The following ABCC1 variants were observed in gnomAD, a reference collection of about 807,000 sequenced individuals.
ABCC1 encodes ATP binding cassette subfamily C member 1 (ABCC1 blood group).
Under a neutral mutation model 172.9 loss-of-function variants are expected in ABCC1, and 83 were observed. The observed-to-expected ratio is 0.48, with a 90% confidence interval of 0.40 to 0.58. The LOEUF is 0.58. Among genes scored for constraint, ABCC1 ranks in the 20% least tolerant of loss-of-function variants. ABCC1 has a pLI of 0.00. For synonymous variants in ABCC1, 937 were observed against 825.2 expected, an observed-to-expected ratio of 1.14 and a Z score of -2.32; for missense variants, 1,817 against 2,002.7, an observed-to-expected ratio of 0.91 and a Z score of 1.77.
chr16:15,982,203 T>C (rs906514633), intron 1 of ABCC1, among the ~76,000 whole-genome samples: 1 of 152,182 alleles, frequency 6.6e-6, no homozygotes, highest in Non-Finnish European at 1.5e-5. Context: ...CCAAAGTTGC[T>C]TCCACATTTT....
chr16:15,959,323 T>A (rs960892683), intron 1 of ABCC1, among the ~76,000 whole-genome samples: 1 of 152,136 alleles, frequency 6.6e-6, no homozygotes. Context: ...TTTCTTTTTC[T>A]TTTTCTTTCT....
chr16:16,108,660 A>G (rs2052251975), intron 21 of ABCC1, among the ~76,000 whole-genome samples: 2 of 150,480 alleles, frequency 1.3e-5, no homozygotes, highest in African/African-American at 2.5e-5. Context: ...CAGTGGCACA[A>G]TCATGGCTAA....
intron 21 of ABCC1, among the ~76,000 whole-genome samples, chr16:16,107,777 G>A (rs2052198514): frequency 6.6e-6 from 1 of 151,756 alleles, no homozygotes; most frequent in African/African-American, 2.4e-5. Flanking sequence ...CTCCATTTAT[G>A]GTGGTGATCC....
At chr16:16,048,446 C>CTGTTAACCAA (rs1014378611) in intron 10 of ABCC1, 143 bp downstream of exon 10, 13 of 1,008,410 alleles carry the variant, frequency 1.3e-5, no homozygotes, top group Non-Finnish European at 1.9e-5. Context: ...ATTTTCCAGC[C>CTGTTAACCAA]TGTTAACCAA....
chr16:16,068,993 T>TAA (rs35133979), intron 13 of ABCC1, among the ~76,000 whole-genome samples: 13 of 124,160 alleles, frequency 1.0e-4, no homozygotes, highest in South Asian at 2.5e-4. Flanking sequence ...GTCTCAAAAT[T>TAA]AAAAAAAAAA....
intron 4 of ABCC1, 87 bp from the exon 5 acceptor site, chr16:16,016,409 C>T: frequency 6.5e-7 from 1 of 1,546,806 alleles, no homozygotes; most frequent in African/African-American, 1.4e-5. Flanking sequence ...CTGTCTCGGC[C>T]TCCAAAAGTG....
intron 10 of ABCC1, among the ~76,000 whole-genome samples, chr16:16,052,265 T>C (rs184085890): frequency 1.8e-4 from 27 of 152,088 alleles, no homozygotes; most frequent in Admixed American, 4.6e-4. Context: ...GGAGGCTGAA[T>C]TGGGAGGATC....
rs369800771 is a variant in ABCC1 at position 15,986,824 on chromosome 16, T to C, written c.49-20992T>C. ...GTTCAGCTTAGTTCCAGGCACATAGTAGGGGCTCAGTACATCTTTGTTGAA... is the reference window on the plus strand; with the variant it reads ...GTTCAGCTTAGTTCCAGGCACATAGCAGGGGCTCAGTACATCTTTGTTGAA... On this transcript the variant is annotated intron_variant, in intron 1 of 30. Transcript: ENST00000399410. 2.0e-3 allele frequency among the ~76,000 whole-genome samples: 304 copies of C among 152,280 alleles called. 8 individuals are homozygous for C. The South Asian group carries it at 0.058, about 29-fold the overall frequency.
chr16:16,048,914 C>T (rs548578856), intron 10 of ABCC1, among the ~76,000 whole-genome samples: 139 of 151,680 alleles, frequency 9.2e-4, no homozygotes, highest in African/African-American at 3.1e-3. Context: ...ACCTGGAAGG[C>T]GGAGGTTGCG....
At chr16:16,075,803 G>A (rs2050537700) in intron 14 of ABCC1, among the ~76,000 whole-genome samples, 2 of 152,200 alleles carry the variant, frequency 1.3e-5, no homozygotes, top group South Asian at 4.1e-4. Flanking sequence ...AGAGTGGTGT[G>A]GCTGGGGGAG....
At position 16,114,995 on chromosome 16, in the gene ABCC1, T is replaced by C; in HGVS notation, c.3309T>C (p.Gly1103=). Residue 1103 remains glycine (G), a synonymous_variant, in exon 23 of 31, where the codon GGT becomes GGC. Coordinates refer to ENST00000399410, the MANE Select transcript of ABCC1 (RefSeq NM_004996.4). Reference sequence around the variant, plus strand: ...TGGGCTCCCTGTTCAACGTCATTGGTGCCTGCATCGTTATCCTGCTGGCCA... The same window carrying C: ...TGGGCTCCCTGTTCAACGTCATTGGCGCCTGCATCGTTATCCTGCTGGCCA... ...MFMGSLFNVI[G]ACIVILLATP... 1 of 1,614,226 alleles carries C rather than the reference T, an allele frequency of 6.2e-7. No individual in the cohort carries two copies. The highest frequency in any genetic ancestry group is 8.5e-7 in the Non-Finnish European group (1 of 1,180,038).
chr16:16,048,099 C>T (rs2049290114), intron 9 of ABCC1, 43 bp from the exon 10 acceptor site: 1 of 1,607,342 alleles, frequency 6.2e-7, no homozygotes, highest in Non-Finnish European at 8.5e-7. Context: ...CAGGCCTCTT[C>T]AGCTGCCACA....
intron 20 of ABCC1, among the ~76,000 whole-genome samples, chr16:16,104,350 G>A (rs1009194339): frequency 2.0e-5 from 3 of 152,108 alleles, no homozygotes; most frequent in South Asian, 2.1e-4. Flanking sequence ...TGATTGGTCC[G>A]TTTTGACAGG....
intron 1 of ABCC1, among the ~76,000 whole-genome samples, chr16:15,974,141 A>T (rs1172600443): frequency 2.0e-5 from 3 of 152,312 alleles, no homozygotes; most frequent in African/African-American, 7.2e-5. Context: ...TACCTTGCAG[A>T]GAGTATTCCT....
chr16:16,081,438 C>A (rs951186599), intron 16 of ABCC1, among the ~76,000 whole-genome samples: 6 of 152,168 alleles, frequency 3.9e-5, no homozygotes, highest in African/African-American at 1.4e-4. Flanking sequence ...GCACTATTAG[C>A]ATTTCAGGCC....
At chr16:16,137,545 CTTTTTTTTTT>C (rs151237296) in intron 29 of ABCC1, among the ~76,000 whole-genome samples, 1 of 56,634 alleles carries the variant, frequency 1.8e-5, no homozygotes, top group South Asian at 1.2e-3. Flanking sequence ...GGTATGAGGC[CTTTTTTTTTT>C]TTTTTTTTTT....
chr16:16,014,752 C>T (rs1292738128), intron 4 of ABCC1, 124 bp downstream of exon 4: 2 of 1,157,204 alleles, frequency 1.7e-6, no homozygotes, highest in African/African-American at 1.5e-5. Context: ...CCACATGCAC[C>T]TAGCTTCTCC....
At chr16:15,952,968 G>C (rs1006423008) in intron 1 of ABCC1, among the ~76,000 whole-genome samples, 19 of 150,662 alleles carry the variant, frequency 1.3e-4, no homozygotes, top group South Asian at 2.1e-4. Flanking sequence ...TGAAGGCTGT[G>C]GGGGTGGAGG....
intron 1 of ABCC1, among the ~76,000 whole-genome samples, chr16:15,961,652 C>A (rs1233890677): frequency 6.6e-6 from 1 of 152,068 alleles, no homozygotes; most frequent in African/African-American, 2.4e-5. Context: ...TTCATTTTTT[C>A]CCTCCCTAGT....
Sources: gnomAD v4.1 joint callset for allele counts (sites outside exome capture counted in the v4.1 genomes callset) on GRCh38, gnomAD v4.1.1 for gene constraint, MANE v1.5 for transcripts, NCBI Gene and HGNC (gene_info 2026-07-23, HGNC 2026-07-21) for gene names.